The following SLIT2 variants were observed in gnomAD, a reference collection of about 807,000 sequenced individuals.
SLIT2 encodes slit guidance ligand 2, also known as slit homolog 2 protein.
In SLIT2, 41 loss-of-function variants were observed where a neutral mutation model predicts 185.7. The ratio of observed to expected loss-of-function variants is 0.22; its 90% CI spans 0.17 to 0.29. SLIT2 has a LOEUF of 0.29. Ranked by LOEUF, SLIT2 falls within the 10% of genes least tolerant of loss-of-function variation. SLIT2 has a pLI of 1.00. For missense variants in SLIT2, 1,571 were observed against 1,909.0 expected, an observed-to-expected ratio of 0.82 and a Z score of 3.30; for synonymous variants, 693 against 680.2, an observed-to-expected ratio of 1.02 and a Z score of -0.29.
At chr4:20,578,314 T>C (rs936640747) in intron 29 of SLIT2, among the ~76,000 whole-genome samples, 2 of 152,122 alleles carry the variant, frequency 1.3e-5, no homozygotes, top group African/African-American at 2.4e-5. Context: ...CTAAATCATA[T>C]TTTTTATCTA....
chr4:20,457,336 G>A (rs1277015007), intron 4 of SLIT2, among the ~76,000 whole-genome samples: 1 of 151,878 alleles, frequency 6.6e-6, no homozygotes, highest in East Asian at 1.9e-4. Context: ...GACTACTCCA[G>A]TATTAACACA....
rs114471942 is a variant in SLIT2 at position 20,335,874 on chromosome 4, G to A, written c.395+66993G>A. ...TAATAATAATAACTACCATTTATGG[G>A]GGACTACATACATGCCCAACATGAT... On this transcript the variant is annotated intron_variant, in intron 4 of 36. Coordinates refer to ENST00000504154, the MANE Select transcript of SLIT2 (RefSeq NM_004787.4). Among the ~76,000 whole-genome samples the A allele has an allele frequency of 4.7e-3, 707 of 151,520 alleles. 9 individuals carry two copies. The highest frequency in any genetic ancestry group is 0.016 in the African/African-American group (663 of 41,222).
At chr4:20,564,125 T>G (rs1724906819) in intron 26 of SLIT2, among the ~76,000 whole-genome samples, 1 of 151,804 alleles carries the variant, frequency 6.6e-6, no homozygotes, top group Admixed American at 6.6e-5. Context: ...TGATATTATC[T>G]CCTTATTGTA....
intron 6 of SLIT2, among the ~76,000 whole-genome samples, chr4:20,483,990 A>G (rs1716966233): frequency 6.6e-6 from 1 of 152,118 alleles, no homozygotes; most frequent in Non-Finnish European, 1.5e-5. Context: ...TCTTTCCAGC[A>G]TCAGTACAGA....
chr4:20,568,438 T>A (rs748694476), intron 28 of SLIT2, among the ~76,000 whole-genome samples: 128 of 152,076 alleles, frequency 8.4e-4, no homozygotes, highest in Non-Finnish European at 1.5e-3. Context: ...TCAAGGACAT[T>A]ATAAGTATGT....
chr4:20,256,751 C>T lies in SLIT2; in HGVS notation c.251+8C>T. ...TAGACATCTAAGAGTTCTGTAAGTG[C>T]ATCCTCTGTATTTTTAAATAATTTT... On this transcript the variant is annotated splice_region_variant and intron_variant, in intron 2 of 36. Coordinates refer to ENST00000504154, the MANE Select transcript of SLIT2 (RefSeq NM_004787.4). 1 of 1,372,814 alleles carries T rather than the reference C, an allele frequency of 7.3e-7. No individual in the cohort carries two copies. Among genetic ancestry groups the T allele is most frequent in the Non-Finnish European group, 1.0e-6 (1 of 982,944 alleles). 85.0% of individuals were successfully genotyped at this position (1,372,814 alleles called of 1,614,324 possible).
At chr4:20,496,027 G>T (rs1159423733) in intron 9 of SLIT2, among the ~76,000 whole-genome samples, 1 of 151,992 alleles carries the variant, frequency 6.6e-6, no homozygotes, top group Non-Finnish European at 1.5e-5. Flanking sequence ...ACCATAAATT[G>T]TTGGTTGAGT....
At chr4:20,531,757 G>GT (rs550588895) in intron 16 of SLIT2, among the ~76,000 whole-genome samples, 19,565 of 140,502 alleles carry the variant, frequency 0.14, 1,435 homozygotes, top group East Asian at 0.36. Context: ...TGATCTTTGT[G>GT]TTTTTTTTTT....
rs1044000519 is a variant in SLIT2 at position 20,254,201 on chromosome 4, G to A, written c.179+207G>A. On this transcript the variant is annotated intron_variant, in intron 1 of 36. Transcript: ENST00000504154. The surrounding 1 kb of genome is among the most constrained non-coding windows in gnomAD (Gnocchi z 5.1). ...GAGGGGCGGGTCCGCTGGCAGCTGC[G>A]CTAGTTCTCCCTCCCCTGCTCTCGT... Among the ~76,000 whole-genome samples, 2 of 152,090 alleles carry A rather than the reference G, an allele frequency of 1.3e-5. No individual in the cohort carries two copies. Among genetic ancestry groups the A allele is most frequent in the Admixed American group, 6.5e-5 (1 of 15,274 alleles).
rs1206620038 is a variant in SLIT2 at position 20,551,293 on chromosome 4, T to C, written c.2561+395T>C. Among the ~76,000 whole-genome samples the C allele has an allele frequency of 1.1e-4, 16 of 152,198 alleles. 1 individual carries two copies. Among genetic ancestry groups the C allele is most frequent in the Non-Finnish European group, 2.4e-4 (16 of 68,022 alleles). On this transcript the variant is annotated intron_variant, in intron 25 of 36. Transcript: ENST00000504154. Reference sequence around the variant, plus strand: ...CTTCTCTATGAAGCCTCTCCTGATTTGCTCAAAGTGGATTTACTTATTCAG... The same window carrying C: ...CTTCTCTATGAAGCCTCTCCTGATTCGCTCAAAGTGGATTTACTTATTCAG...
intron 4 of SLIT2, among the ~76,000 whole-genome samples, chr4:20,333,678 A>G (rs1162515246): frequency 2.6e-5 from 4 of 152,184 alleles, no homozygotes; most frequent in Admixed American, 1.3e-4. Flanking sequence ...TAGCCAGTTC[A>G]ATATGCCAAG....
rs184278777 is a variant in SLIT2 at position 20,566,664 on chromosome 4, G to T, written c.2726-598G>T. Among the ~76,000 whole-genome samples, 8 of 152,018 alleles carry T rather than the reference G, an allele frequency of 5.3e-5. No individual in the cohort carries two copies. The East Asian group carries it at 1.5e-3, about 29-fold the overall frequency. ...GTGCAAATGAACCAACAAATAAACC[G>T]AATCAAAAGGAAATGAGGGAGATGA... On this transcript the variant is annotated intron_variant, in intron 26 of 36. Transcript: ENST00000504154.
In SLIT2 at chr4:20,496,563, G is replaced by T. The variant is rs191406334; in HGVS notation, c.914+4664G>T. On this transcript the variant is annotated intron_variant, in intron 9 of 36. Coordinates refer to ENST00000504154, the MANE Select transcript of SLIT2 (RefSeq NM_004787.4). ...CTGATCATGTTACCACAGTGCAGAA[G>T]CTCCCCTCTTGTTTACAGGTTAGAA... Among the ~76,000 whole-genome samples, 565 of 152,266 alleles carry T rather than the reference G, an allele frequency of 3.7e-3. 3 individuals are homozygous for T. The highest frequency in any genetic ancestry group is 0.013 in the African/African-American group (543 of 41,566).
At position 20,352,583 on chromosome 4, in the gene SLIT2, T is replaced by G. The variant is rs923235741; in HGVS notation, c.395+83702T>G. 2.6e-5 allele frequency among the ~76,000 whole-genome samples: 4 copies of G among 152,198 alleles called. 1 individual carries two copies. In the South Asian group the frequency reaches 8.3e-4, roughly 32 times the overall value. ...AAATTTATTAGGGCTCAAGGCATAT[T>G]AAACTTTATAGCAGACTTTGGATGT... is the stretch of plus-strand genomic sequence containing the variant. On this transcript the variant is annotated intron_variant, in intron 4 of 36. Coordinates refer to ENST00000504154, the MANE Select transcript of SLIT2 (RefSeq NM_004787.4).
intron 20 of SLIT2, 42 bp downstream of exon 20, chr4:20,541,661 A>G (rs765349673): frequency 1.3e-6 from 2 of 1,534,912 alleles, no homozygotes; most frequent in Non-Finnish European, 1.8e-6. Flanking sequence ...AGGCATTCAC[A>G]TGCCTGTTCT....
Position 20,619,098 on chromosome 4 carries a change from A to T in SLIT2, c.*89A>T. ...GAATGCTTCATAGTGGAAATATTTG[A>T]AATATATTGTAAAATACAGAACAGA... On this transcript the variant is annotated 3_prime_UTR_variant, in exon 37 of 37. Transcript: ENST00000504154. 2 of 1,333,328 alleles carry T rather than the reference A, an allele frequency of 1.5e-6. No individual in the cohort carries two copies. The highest frequency in any genetic ancestry group is 2.1e-6 in the Non-Finnish European group (2 of 966,082). 82.6% of individuals were successfully genotyped at this position (1,333,328 alleles called of 1,614,324 possible). A position where few individuals can be genotyped will look rare whatever the true frequency, so the allele number is the denominator to read the frequency against.
At chr4:20,431,848 G>A (rs1001207301) in intron 4 of SLIT2, among the ~76,000 whole-genome samples, 3 of 152,208 alleles carry the variant, frequency 2.0e-5, no homozygotes, top group Non-Finnish European at 4.4e-5. Flanking sequence ...CCTGGCCGGG[G>A]CCAGGGTTCA....
At chr4:20,357,007 A>G (rs1722381663) in intron 4 of SLIT2, among the ~76,000 whole-genome samples, 1 of 152,258 alleles carries the variant, frequency 6.6e-6, no homozygotes, top group South Asian at 2.1e-4. Flanking sequence ...TGTATTTGTT[A>G]CAAGTTAAAA....
At chr4:20,538,951 G>A (rs1316614726) in intron 18 of SLIT2, among the ~76,000 whole-genome samples, 1 of 151,968 alleles carries the variant, frequency 6.6e-6, no homozygotes, top group Admixed American at 6.6e-5. Context: ...CCATTTTGGC[G>A]CCCCTGGACC....
Sources: gnomAD v4.1 joint callset for allele counts (sites outside exome capture counted in the v4.1 genomes callset) on GRCh38, gnomAD v4.1.1 for gene constraint, Gnocchi (gnomAD v3.1) non-coding constraint, MANE v1.5 for transcripts, NCBI Gene and HGNC (gene_info 2026-07-23, HGNC 2026-07-21) for gene names.